Variants in METTL22 observed in about 807,000 individuals in gnomAD.
METTL22 encodes methyltransferase 22, Kin17 lysine.
In METTL22, 51 loss-of-function variants were observed where a neutral mutation model predicts 48.4. The ratio of observed to expected loss-of-function variants is 1.05; its 90% CI spans 0.84 to 1.33. The LOEUF (loss-of-function observed/expected upper bound fraction) is 1.33. METTL22 is among the 40% of genes most tolerant of loss of function. The probability of loss-of-function intolerance (pLI) is 0.00; values close to 1 mark genes in which losing one functional copy is unlikely to be tolerated. For synonymous variants in METTL22, 255 were observed against 214.1 expected (o/e 1.19, Z -1.67); for missense variants, 678 against 526.9 (o/e 1.29, Z -2.81).
At chr16:8,662,392 A>T in the METTL22 span, among the ~76,000 whole-genome samples, 2 of 145,210 alleles carry the variant, frequency 1.4e-5, no homozygotes, top group East Asian at 4.0e-4. Context: ...ATTGGAGCTT[A>T]TGCTGTGCCA....
chr16:8,639,829 G>A (rs941007531), intron 6 of METTL22, among the ~76,000 whole-genome samples: 3 of 151,996 alleles, frequency 2.0e-5, no homozygotes, highest in Non-Finnish European at 4.4e-5. Context: ...CCCTTCAGTG[G>A]TTTACTGTTG....
In METTL22 at chr16:8,641,593, C is replaced by A. The variant is rs2056620054; in HGVS notation, c.826+409C>A. 1.1e-4 allele frequency: 50 copies of A among 450,142 alleles called. 1 individual carries two copies. Among genetic ancestry groups the A allele is most frequent in the South Asian group, 7.8e-4 (48 of 61,708 alleles). 27.9% of individuals were successfully genotyped at this position (450,142 alleles called of 1,614,324 possible). On this transcript the variant is annotated intron_variant, in intron 7 of 10. Transcript: ENST00000381920. ...GGTAGGACAGTTTCCATATTTCTTA[C>A]ACAGACTACTTCAGACCTGGGTGCT... is the stretch of plus-strand genomic sequence containing the variant.
chr16:8,625,641 C>G lies in METTL22; in HGVS notation c.-25C>G. 6.2e-7 allele frequency: 1 copy of G among 1,613,642 alleles called. No homozygotes were observed. On this transcript the variant is annotated 5_prime_UTR_variant, in exon 2 of 11. Transcript: ENST00000381920. Reference sequence around the variant, plus strand: ...TTCTCACCTCTGAGGGACTCCTGTCCTAGGACTAAGGTGGAGCCTGGGCCA... The same window carrying G: ...TTCTCACCTCTGAGGGACTCCTGTCGTAGGACTAAGGTGGAGCCTGGGCCA...
At chr16:8,638,957 G>A (rs2056506848) in intron 5 of METTL22, 134 bp from the exon 6 acceptor site, 3 of 820,522 alleles carry the variant, frequency 3.7e-6, no homozygotes, top group African/African-American at 1.7e-5. Context: ...AATTTTGGCA[G>A]TAAGACACAT....
In METTL22 at chr16:8,642,140, C is replaced by T; in HGVS notation, c.840C>T (p.Pro280=). The T allele has an allele frequency of 6.2e-7, 1 of 1,613,382 alleles. No individual in the cohort carries two copies. Among genetic ancestry groups the T allele is most frequent in the Non-Finnish European group, 8.5e-7 (1 of 1,179,304 alleles). The change falls in exon 8 of 11, where the codon CCC becomes CCT. Residue 280 remains proline (P), a synonymous_variant. Coordinates refer to ENST00000381920, the MANE Select transcript of METTL22 (RefSeq NM_024109.4). ...GTTCTTTCTTAGATCCCAAGGTCCC[C>T]TTCAGTTGGTCACAAGAGGAAATTT... is the stretch of plus-strand genomic sequence containing the variant. ...KDDLCTDPKV[P]FSWSQEEISD... is the part of the protein sequence containing the mutation.
chr16:8,652,409 A>G (rs550145509), downstream of METTL22, among the ~76,000 whole-genome samples: 16 of 143,534 alleles, frequency 1.1e-4, no homozygotes, highest in Admixed American at 2.2e-4. Context: ...CAATGAGCCG[A>G]GATCATGCCG....
At chr16:8,666,454 C>G in the METTL22 span, among the ~76,000 whole-genome samples, 1 of 152,140 alleles carries the variant, frequency 6.6e-6, no homozygotes, top group African/African-American at 2.4e-5. Context: ...CTAGGAGAAC[C>G]CAAACTACAA....
At chr16:8,623,976 G>T (rs2055951336) in intron 1 of METTL22, 1 of 152,222 alleles carries the variant, frequency 6.6e-6, no homozygotes, top group Non-Finnish European at 1.5e-5. Flanking sequence ...GGACAAGGAG[G>T]TTGCTGGTGT....
intron 6 of METTL22, 74 bp from the exon 7 acceptor site, chr16:8,641,057 T>A: frequency 7.2e-7 from 1 of 1,381,602 alleles, no homozygotes; most frequent in Non-Finnish European, 1.0e-6. Flanking sequence ...TCTTCATATA[T>A]AGTGTAAAAG....
At chr16:8,660,762 C>G in the METTL22 span, among the ~76,000 whole-genome samples, 2 of 117,518 alleles carry the variant, frequency 1.7e-5, no homozygotes, top group Non-Finnish European at 3.7e-5. Flanking sequence ...GAGATTGGGC[C>G]GGCAAGTGGG....
chr16:8,657,721 C>G, the METTL22 span, among the ~76,000 whole-genome samples: 1 of 151,924 alleles, frequency 6.6e-6, no homozygotes, highest in African/African-American at 2.4e-5. Context: ...AGAAAGGGGT[C>G]TTTGCAGATC....
At chr16:8,635,450 T>G in intron 5 of METTL22, 138 bp downstream of exon 5, 1 of 1,012,746 alleles carries the variant, frequency 9.9e-7, no homozygotes, top group East Asian at 2.7e-5. Flanking sequence ...CCCCTGGCCC[T>G]CTCCACTCTC....
intron 8 of METTL22, 110 bp downstream of exon 8, chr16:8,642,317 C>T (rs2056645856): frequency 8.1e-7 from 1 of 1,228,330 alleles, no homozygotes; most frequent in South Asian, 1.2e-5. Flanking sequence ...CTTTCTGGTA[C>T]ATGCCACCAC....
At chr16:8,638,257 A>C (rs1305099292) in intron 5 of METTL22, among the ~76,000 whole-genome samples, 2 of 152,190 alleles carry the variant, frequency 1.3e-5, no homozygotes, top group African/African-American at 2.4e-5. Flanking sequence ...CTCCTCCCGT[A>C]CATGGCTCTG....
chr16:8,623,260 G>A (rs1201340288), intron 1 of METTL22, among the ~76,000 whole-genome samples: 4 of 151,296 alleles, frequency 2.6e-5, no homozygotes, highest in African/African-American at 7.3e-5. Context: ...GTAGTGAGCC[G>A]AGATGGCACC....
Position 8,646,238 on chromosome 16 carries a change from G to A in METTL22, c.*95G>A, listed in dbSNP as rs1170663880. ...ACCAAAGCAACATGCTTGAGATTTT[G>A]TCATTTTAAAAATATGGTTACACGT... On this transcript the variant is annotated 3_prime_UTR_variant, in exon 11 of 11. Transcript: ENST00000381920. The A allele has an allele frequency of 4.6e-6, 7 of 1,510,272 alleles. No homozygotes were observed. Among genetic ancestry groups the A allele is most frequent in the South Asian group, 4.6e-5 (4 of 87,650 alleles). The allele number at this position is 1,510,272 out of a possible 1,614,324, so 93.6% of individuals were successfully genotyped here.
chr16:8,639,131 T>G lies in METTL22; in HGVS notation c.741T>G (p.Ile247Met). The change falls in exon 6 of 11, where the codon ATT becomes ATG. Residue 247 changes from isoleucine to methionine, a missense_variant. Coordinates refer to ENST00000381920, the MANE Select transcript of METTL22 (RefSeq NM_024109.4). ...TCTTGTCCATGTGCCAGCGAAACAT[T>G]GCCCTCAACAGCCACCTGGCTGCCA... ...ADLLSMCQRN[I>M]ALNSHLAATG... 1 of 1,613,856 alleles carries G rather than the reference T, an allele frequency of 6.2e-7. No homozygotes were observed. Among genetic ancestry groups the G allele is most frequent in the Non-Finnish European group, 8.5e-7 (1 of 1,179,986 alleles).
At position 8,642,498 on chromosome 16, in the gene METTL22, A is replaced by C; in HGVS notation, c.943A>C (p.Lys315Gln). Residue 315 changes from lysine to glutamine, a missense_variant, in exon 9 of 11, where the codon AAA becomes CAA. Transcript: ENST00000381920. ...YDDDLTDAVF[K>Q]TLSRLAHRLK... Reference sequence around the variant, plus strand: ...CGACGACTTGACTGATGCTGTGTTTAAAACGCTCTCCCGACTCGCCCACAG... The same window carrying C: ...CGACGACTTGACTGATGCTGTGTTTCAAACGCTCTCCCGACTCGCCCACAG... The C allele has an allele frequency of 6.2e-7, 1 of 1,614,220 alleles. No individual in the cohort carries two copies. Among genetic ancestry groups the C allele is most frequent in the Non-Finnish European group, 8.5e-7 (1 of 1,180,034 alleles).
the METTL22 span, among the ~76,000 whole-genome samples, chr16:8,654,693 C>G: frequency 7.6e-4 from 115 of 152,242 alleles, no homozygotes; most frequent in African/African-American, 2.6e-3. Context: ...GTTCAGAGGG[C>G]AAATCATCCC....
Sources: gnomAD v4.1 joint callset for allele counts (sites outside exome capture counted in the v4.1 genomes callset) on GRCh38, gnomAD v4.1.1 for gene constraint, MANE v1.5 for transcripts, NCBI Gene and HGNC (gene_info 2026-07-23, HGNC 2026-07-21) for gene names.